The following SEC23A variants were observed in gnomAD, a reference collection of about 807,000 sequenced individuals.
The protein encoded by SEC23A is SEC23 homolog A, COPII component, also known as protein transport protein Sec23A.
In SEC23A, 56 loss-of-function variants were observed where a neutral mutation model predicts 103.7. The observed-to-expected ratio is 0.54, with a 90% CI of 0.44 to 0.67. SEC23A has a LOEUF of 0.67. Among genes scored for constraint, SEC23A ranks in the 30% least tolerant of loss-of-function variants. SEC23A has a pLI of 0.00. For missense variants in SEC23A, 784 were observed against 936.4 expected, an observed-to-expected ratio of 0.84 and a Z score of 2.12; for synonymous variants, 281 against 293.0, an observed-to-expected ratio of 0.96 and a Z score of 0.42.
intron 10 of SEC23A, among the ~76,000 whole-genome samples, chr14:39,065,704 A>G (rs1285441060): frequency 6.6e-6 from 1 of 152,084 alleles, no homozygotes; most frequent in African/African-American, 2.4e-5. Flanking sequence ...AACATCTTTA[A>G]GAAAACAACT....
intron 12 of SEC23A, 24 bp downstream of exon 12, chr14:39,063,300 A>C (rs768381006): frequency 1.5e-6 from 2 of 1,358,526 alleles, no homozygotes; most frequent in Non-Finnish European, 2.1e-6. Context: ...GTACGTTTTG[A>C]TATTCAGATG....
At chr14:39,068,488 T>G (rs967114920) in intron 9 of SEC23A, among the ~76,000 whole-genome samples, 1 of 152,190 alleles carries the variant, frequency 6.6e-6, no homozygotes, top group Non-Finnish European at 1.5e-5. Context: ...GTTTTTTTCC[T>G]TTTTCCCTTG....
At chr14:39,069,791 A>G (rs1488382552) in intron 9 of SEC23A, among the ~76,000 whole-genome samples, 1 of 152,038 alleles carries the variant, frequency 6.6e-6, no homozygotes, top group African/African-American at 2.4e-5. Flanking sequence ...TGTACTTGCT[A>G]TTCCTCACTT....
At chr14:39,096,346 C>A (rs1178053635) in intron 1 of SEC23A, among the ~76,000 whole-genome samples, 1 of 152,032 alleles carries the variant, frequency 6.6e-6, no homozygotes, top group East Asian at 1.9e-4. Context: ...GCCTGACCAA[C>A]ACGAAGAAAC....
chr14:39,057,008 G>T (rs1886272713), intron 13 of SEC23A, among the ~76,000 whole-genome samples: 1 of 151,880 alleles, frequency 6.6e-6, no homozygotes, highest in African/African-American at 2.4e-5. Context: ...GTTCAGCCTG[G>T]GAAACAGCAA....
intron 13 of SEC23A, among the ~76,000 whole-genome samples, chr14:39,059,290 A>ACAAAAAAAC (rs1316256378): frequency 3.3e-5 from 2 of 59,932 alleles, no homozygotes; most frequent in Non-Finnish European, 8.5e-5. Context: ...AAAAAAAAAA[A>ACAAAAAAAC]AAAAAAAAAA....
intron 13 of SEC23A, 50 bp downstream of exon 13, chr14:39,061,715 A>G (rs769032119): frequency 2.7e-5 from 36 of 1,314,034 alleles, no homozygotes; most frequent in Non-Finnish European, 3.6e-5. Context: ...TGGAAACACA[A>G]CCCAGATACC....
intron 19 of SEC23A, among the ~76,000 whole-genome samples, chr14:39,037,169 T>C (rs1257884635): frequency 6.6e-6 from 1 of 152,184 alleles, no homozygotes; most frequent in African/African-American, 2.4e-5. Flanking sequence ...GTGATGACTT[T>C]ATCACCTTTC....
intron 5 of SEC23A, chr14:39,091,212 A>C: frequency 4.1e-6 from 2 of 492,466 alleles, no homozygotes; most frequent in Non-Finnish European, 7.2e-6. Context: ...ACTCTTCATA[A>C]GCCCTTCAAA....
Position 39,074,478 on chromosome 14 carries a change from A to G in SEC23A, c.1040T>C (p.Ile347Thr), listed in dbSNP as rs764749014. 1.2e-6 allele frequency: 2 copies of G among 1,613,644 alleles called. No homozygotes were observed. The highest frequency in any genetic ancestry group is 1.3e-5 in the African/African-American group (1 of 74,942). Residue 347 changes from isoleucine (I) to threonine (T), a missense_variant, in exon 9 of 20, where the codon ATC (isoleucine) becomes ACC (threonine). Ile to Thr is a moderately conservative substitution (Grantham distance 89). This residue lies in a region of SEC23A where 683 missense variants were observed against 774.2 expected (regional missense o/e 0.88). Transcript: ENST00000307712. ...RAATTGHVID[I>T]YACALDQTGL... Reference sequence around the variant, plus strand: ...TGTCTGATCTAATGCACACGCATAGATATCAATAACATGGCCAGTTGTAGC... The same window carrying G: ...TGTCTGATCTAATGCACACGCATAGGTATCAATAACATGGCCAGTTGTAGC...
At chr14:39,092,445 A>T in intron 4 of SEC23A, 96 bp downstream of exon 4, 1 of 780,046 alleles carries the variant, frequency 1.3e-6, no homozygotes, top group Non-Finnish European at 2.1e-6. Flanking sequence ...AATCAATGTG[A>T]GAATTAAGCA....
chr14:39,093,137 G>A (rs751291715), intron 3 of SEC23A, 50 bp downstream of exon 3: 4 of 1,504,446 alleles, frequency 2.7e-6, no homozygotes, highest in South Asian at 1.1e-5. Context: ...AAAGTGCTGG[G>A]ATTACAGGCA....
At chr14:39,093,719 A>T (rs1887744616) in intron 2 of SEC23A, among the ~76,000 whole-genome samples, 1 of 152,180 alleles carries the variant, frequency 6.6e-6, no homozygotes, top group Non-Finnish European at 1.5e-5. Flanking sequence ...CACAATCACA[A>T]CACTGCCCTC....
Position 39,075,948 on chromosome 14 carries a change from T to A in SEC23A, c.974A>T (p.Lys325Ile), listed in dbSNP as rs1886999390. The change falls in exon 8 of 20, where the codon AAA (lysine) becomes ATA (isoleucine). Residue 325 changes from lysine (K) to isoleucine (I), a missense_variant. Coordinates refer to ENST00000307712, the MANE Select transcript of SEC23A (RefSeq NM_006364.4). Reference protein sequence around the residue: ...DIDKDNAKYVKKGTKHFEALA... With the variant: ...DIDKDNAKYVIKGTKHFEALA... ...AGTCAAAATTACCTTAGTTCCCTTT[T>A]TAACATATTTGGCATTGTCTTTGTC... is the stretch of plus-strand genomic sequence containing the variant. The A allele has an allele frequency of 6.2e-7, 1 of 1,614,014 alleles. No homozygotes were observed. Among genetic ancestry groups the A allele is most frequent in the East Asian group, 2.2e-5 (1 of 44,850 alleles).
intron 9 of SEC23A, among the ~76,000 whole-genome samples, chr14:39,071,857 G>A (rs896234693): frequency 5.9e-5 from 9 of 151,744 alleles, no homozygotes; most frequent in South Asian, 4.2e-4. Context: ...GAGCGACTCC[G>A]TCTCAAAATA....
At chr14:39,033,419 T>C (rs1885366492) in intron 19 of SEC23A, 91 bp from the exon 20 acceptor site, 1 of 759,224 alleles carries the variant, frequency 1.3e-6, no homozygotes, top group Non-Finnish European at 2.1e-6. Context: ...AGGAAATCAT[T>C]TGAAATGCCT....
At chr14:39,055,660 T>C (rs1232874315) in intron 13 of SEC23A, among the ~76,000 whole-genome samples, 1 of 152,176 alleles carries the variant, frequency 6.6e-6, no homozygotes, top group Non-Finnish European at 1.5e-5. Flanking sequence ...CTTTAGGTAT[T>C]AGGCTAACTC....
intron 5 of SEC23A, among the ~76,000 whole-genome samples, chr14:39,089,183 GAAA>G (rs36100124): frequency 1.5e-5 from 2 of 135,496 alleles, no homozygotes; most frequent in Non-Finnish European, 3.2e-5. Flanking sequence ...AAAAAAAAAA[GAAA>G]AAAAAAGGAA....
At chr14:39,094,253 T>C (rs145001003) in intron 2 of SEC23A, among the ~76,000 whole-genome samples, 7,330 of 76,526 alleles carry the variant, frequency 0.096, 391 homozygotes, top group Non-Finnish European at 0.12. Flanking sequence ...TATACACATA[T>C]ACATATATAT....
Sources: allele counts gnomAD v4.1 joint callset (sites outside exome capture counted in the v4.1 genomes callset), GRCh38; gene constraint gnomAD v4.1.1; regional missense constraint gnomAD v4.1.1; transcripts MANE v1.5; gene names NCBI Gene and HGNC (gene_info 2026-07-23, HGNC 2026-07-21).